Variants in DNAJC1 observed in about 807,000 individuals in gnomAD.
The protein encoded by DNAJC1 is DnaJ heat shock protein family (Hsp40) member C1.
A neutral mutation model predicts 76.6 loss-of-function variants in DNAJC1; 58 were observed. The observed-to-expected ratio is 0.76, with a 90% CI of 0.61 to 0.94. DNAJC1 has a LOEUF of 0.94. DNAJC1 is among the 40% of genes least tolerant of loss of function. The probability of loss-of-function intolerance (pLI) is 0.00; values close to 1 mark genes in which losing one functional copy is unlikely to be tolerated. For missense variants in DNAJC1, 689 were observed against 677.3 expected (o/e 1.02, Z -0.19); for synonymous variants, 258 against 267.9 (o/e 0.96, Z 0.36).
intron 3 of DNAJC1, among the ~76,000 whole-genome samples, chr10:21,923,948 A>G (rs72797464): frequency 0.065 from 9,944 of 152,118 alleles, 443 homozygotes; most frequent in Middle Eastern, 0.19. Flanking sequence ...GTATATTATG[A>G]AAATGAATAT....
chr10:21,882,130 G>C (rs1836291301), intron 8 of DNAJC1, 152 bp downstream of exon 8: 1 of 694,684 alleles, frequency 1.4e-6, no homozygotes, highest in Non-Finnish European at 2.2e-6. Context: ...CTCCAGCCTG[G>C]GTGACAGAGC....
rs577136242 is a variant in DNAJC1 at position 21,783,262 on chromosome 10, CA to C, written c.1099-16954del. On this transcript the variant is annotated intron_variant, in intron 9 of 11. Coordinates refer to ENST00000376980, the MANE Select transcript of DNAJC1 (RefSeq NM_022365.4). ...AGCATTCTTATACACCAATAACAGA[CA>C]AACACAGAGCCAAATCATGAGTGAA... Among the ~76,000 whole-genome samples the C allele has an allele frequency of 1.3e-4, 20 of 152,262 alleles. No homozygotes were observed. The South Asian group carries it at 3.9e-3, about 30-fold the overall frequency.
chr10:21,763,598 G>T (rs1834265186), intron 10 of DNAJC1, among the ~76,000 whole-genome samples: 1 of 134,764 alleles, frequency 7.4e-6, no homozygotes, highest in Admixed American at 7.7e-5. Context: ...CCTACGCCAA[G>T]AATTTATTTA....
chr10:21,778,823 G>A (rs1834486893), intron 9 of DNAJC1, among the ~76,000 whole-genome samples: 1 of 152,214 alleles, frequency 6.6e-6, no homozygotes, highest in African/African-American at 2.4e-5. Flanking sequence ...AAGTGCAAAG[G>A]GTCAGGGAAT....
Position 21,929,133 on chromosome 10 carries a change from T to TA in DNAJC1, c.230_231insT (p.Ser78IlefsTer10). On this transcript the variant is annotated frameshift_variant, in exon 2 of 12. Coordinates refer to ENST00000376980, the MANE Select transcript of DNAJC1 (RefSeq NM_022365.4). LOFTEE classifies it high-confidence loss of function. The stretch of plus-strand genomic sequence containing the variant: ...GATATGCTTTTCTGATGTCTGCAGA[T>TA]GATGCATCCTGGAGGTGGTAGGGGG... 6.2e-7 allele frequency: 1 copy of TA among 1,609,532 alleles called. No individual in the cohort carries two copies. The highest frequency in any genetic ancestry group is 8.5e-7 in the Non-Finnish European group (1 of 1,177,846).
chr10:21,970,824 C>T (rs1347533716), intron 1 of DNAJC1, among the ~76,000 whole-genome samples: 2 of 151,898 alleles, frequency 1.3e-5, no homozygotes, highest in East Asian at 1.9e-4. Flanking sequence ...TTAATCATAC[C>T]CTAATTTTTC....
chr10:21,955,559 T>C (rs1837665308), intron 1 of DNAJC1, among the ~76,000 whole-genome samples: 1 of 152,126 alleles, frequency 6.6e-6, no homozygotes. Context: ...AAATTATATA[T>C]ATTTATAAAC....
At chr10:21,840,910 G>C (rs970758522) in intron 8 of DNAJC1, among the ~76,000 whole-genome samples, 2 of 152,108 alleles carry the variant, frequency 1.3e-5, no homozygotes, top group African/African-American at 4.8e-5. Flanking sequence ...CAGAGATATA[G>C]ACCAAAGGAG....
chr10:21,933,737 G>A (rs1314902082), intron 1 of DNAJC1, among the ~76,000 whole-genome samples: 3 of 152,094 alleles, frequency 2.0e-5, no homozygotes. Flanking sequence ...ATATGATGGT[G>A]GTCCCATAAG....
At chr10:22,003,005 G>C (rs1027253907) in intron 1 of DNAJC1, among the ~76,000 whole-genome samples, 1 of 152,154 alleles carries the variant, frequency 6.6e-6, no homozygotes, top group African/African-American at 2.4e-5. Context: ...ACTGGGGCTG[G>C]GACTAGAAAA....
chr10:21,837,228 G>C (rs866396443), intron 8 of DNAJC1, among the ~76,000 whole-genome samples: 5 of 152,230 alleles, frequency 3.3e-5, no homozygotes, highest in South Asian at 2.1e-4. Context: ...TGTTGCCCAG[G>C]CTGGAGTGCA....
intron 8 of DNAJC1, among the ~76,000 whole-genome samples, chr10:21,829,687 C>T (rs1835324524): frequency 6.6e-6 from 1 of 152,212 alleles, no homozygotes; most frequent in African/African-American, 2.4e-5. Context: ...TGACATTATG[C>T]TTTAAATGTC....
At chr10:21,999,092 T>C (rs1490459867) in intron 1 of DNAJC1, among the ~76,000 whole-genome samples, 2 of 152,198 alleles carry the variant, frequency 1.3e-5, no homozygotes, top group Admixed American at 6.5e-5. Context: ...AGACAGTCAC[T>C]ACCATCTCTG....
At chr10:21,960,961 A>G (rs1837780811) in intron 1 of DNAJC1, among the ~76,000 whole-genome samples, 1 of 152,250 alleles carries the variant, frequency 6.6e-6, no homozygotes, top group African/African-American at 2.4e-5. Flanking sequence ...AGATAATACA[A>G]TAGCCATGAA....
Position 21,814,164 on chromosome 10 carries a change from G to C in DNAJC1, c.979-8065C>G, listed in dbSNP as rs76385114. ...GCGAACATGCTAATTAAGTTATATT[G>C]TCGGTTGGGCAGCAAATGTCACTTC... On this transcript the variant is annotated intron_variant, in intron 8 of 11. Transcript: ENST00000376980. 8.2e-3 allele frequency among the ~76,000 whole-genome samples: 1,242 copies of C among 152,278 alleles called. 12 individuals are homozygous for C. The highest frequency in any genetic ancestry group is 0.028 in the African/African-American group (1,150 of 41,546).
chr10:21,924,781 A>G (rs1387242152), intron 3 of DNAJC1, among the ~76,000 whole-genome samples: 2 of 152,208 alleles, frequency 1.3e-5, no homozygotes, highest in African/African-American at 4.8e-5. Context: ...ATCATGGTGT[A>G]CTTACACAAA....
chr10:21,830,704 A>T (rs1252198935), intron 8 of DNAJC1, among the ~76,000 whole-genome samples: 1 of 152,204 alleles, frequency 6.6e-6, no homozygotes, highest in African/African-American at 2.4e-5. Context: ...AAATGTATTA[A>T]ACATTCTATC....
intron 9 of DNAJC1, among the ~76,000 whole-genome samples, chr10:21,776,888 C>T (rs190714050): frequency 2.0e-5 from 3 of 152,240 alleles, no homozygotes; most frequent in East Asian, 3.9e-4. Context: ...CAGTGAACAC[C>T]GTAACAACAT....
chr10:21,908,033 A>AAT (rs56060478), intron 6 of DNAJC1, among the ~76,000 whole-genome samples: 87,755 of 112,982 alleles, frequency 0.78, 34,882 homozygotes, highest in East Asian at 0.99. Flanking sequence ...ATAAATATAT[A>AAT]ATATAATATA....
Sources: gnomAD v4.1 joint callset for allele counts (sites outside exome capture counted in the v4.1 genomes callset) on GRCh38, gnomAD v4.1.1 for gene constraint, MANE v1.5 for transcripts, NCBI Gene and HGNC (gene_info 2026-07-23, HGNC 2026-07-21) for gene names.